Variants in NRBP1 observed in about 807,000 individuals in gnomAD.
The protein encoded by NRBP1 is nuclear receptor binding protein 1.
Under a neutral mutation model 76.0 loss-of-function variants are expected in NRBP1, and 10 were observed. The ratio of observed to expected loss-of-function variants is 0.13; its 90% CI spans 0.08 to 0.22. The LOEUF (loss-of-function observed/expected upper bound fraction) is 0.22. NRBP1 is among the 10% of genes least tolerant of loss of function. The pLI, the probability that NRBP1 is intolerant of heterozygous loss-of-function variation, is 1.00. For missense variants in NRBP1, 344 were observed against 646.0 expected (o/e 0.53, Z 5.07); for synonymous variants, 235 against 240.2 (o/e 0.98, Z 0.20).
rs1664602351 is a variant in NRBP1, at chr2:27,442,034, T to C, written c.*222T>C. On this transcript the variant is annotated 3_prime_UTR_variant, in exon 18 of 18. Transcript: ENST00000379852. ...TACTTGTTTTGCACAGACGTGGGCCTGGGCCTTCTCAGCAGCCGCCTTCTA... is the reference window on the plus strand; with the variant it reads ...TACTTGTTTTGCACAGACGTGGGCCCGGGCCTTCTCAGCAGCCGCCTTCTA... 1 of 545,972 alleles carries C rather than the reference T, an allele frequency of 1.8e-6. No homozygotes were observed. The highest frequency in any genetic ancestry group is 3.2e-6 in the Non-Finnish European group (1 of 311,776). 33.8% of individuals were successfully genotyped at this position (545,972 alleles called of 1,614,324 possible).
At chr2:27,441,533 G>T (rs548338942) in intron 16 of NRBP1, 34 bp from the exon 17 acceptor site, 1 of 1,612,286 alleles carries the variant, frequency 6.2e-7, no homozygotes, top group Non-Finnish European at 8.5e-7. Flanking sequence ...CCTCAGTCCC[G>T]TACTGTACTC....
intron 1 of NRBP1, 140 bp downstream of exon 1, chr2:27,428,871 T>C (rs1663980220): frequency 2.5e-6 from 1 of 396,824 alleles, no homozygotes; most frequent in African/African-American, 2.1e-5. Context: ...CCAGGCCCGA[T>C]CGGGCCCTGC....
chr2:27,430,463 TTTTTTC>T (rs1212468129), intron 1 of NRBP1, among the ~76,000 whole-genome samples: 2 of 114,222 alleles, frequency 1.8e-5, no homozygotes, highest in African/African-American at 7.8e-5. Flanking sequence ...TTTTCTTTCT[TTTTTTC>T]TTTTTTTTTT....
Position 27,437,039 on chromosome 2 carries a change from T to C in NRBP1, c.746-8T>C, listed in dbSNP as rs1664334372. On this transcript the variant is annotated splice_polypyrimidine_tract_variant and splice_region_variant and intron_variant, in intron 8 of 17. Coordinates refer to ENST00000379852, the MANE Select transcript of NRBP1 (RefSeq NM_013392.4). ...CTGATTAACCAAAGCCTTCTCTGTT[T>C]TCCCTAGAAGTCACTAATGTGACAA... 1 of 1,612,010 alleles carries C rather than the reference T, an allele frequency of 6.2e-7. No individual in the cohort carries two copies. The highest frequency in any genetic ancestry group is 8.5e-7 in the Non-Finnish European group (1 of 1,178,320).
intron 1 of NRBP1, among the ~76,000 whole-genome samples, chr2:27,430,385 G>C (rs979685115): frequency 6.6e-6 from 1 of 151,982 alleles, no homozygotes; most frequent in Non-Finnish European, 1.5e-5. Context: ...CAAAAGATTG[G>C]TGTGTTGACT....
At chr2:27,436,259 T>C (rs1664302066) in intron 7 of NRBP1, 1 of 206,492 alleles carries the variant, frequency 4.8e-6, no homozygotes, top group Non-Finnish European at 9.9e-6. Context: ...CTGAGCTGTA[T>C]GTTAATACTT....
In NRBP1 at chr2:27,428,960, C is replaced by A. The variant is rs555397019; in HGVS notation, c.-21+229C>A. 1.6e-4 allele frequency among the ~76,000 whole-genome samples: 24 copies of A among 151,436 alleles called. No homozygotes were observed. The South Asian group carries it at 4.6e-3, about 29-fold the overall frequency. ...GGCGTCTCTGGCTTGGCGGCGGCGC[C>A]CCGGGATTCTGCGGGCGCGGGTCGG... On this transcript the variant is annotated intron_variant, in intron 1 of 17. Coordinates refer to ENST00000379852, the MANE Select transcript of NRBP1 (RefSeq NM_013392.4).
intron 9 of NRBP1, 31 bp from the exon 10 acceptor site, chr2:27,437,231 C>T: frequency 6.3e-7 from 1 of 1,592,034 alleles, no homozygotes; most frequent in Non-Finnish European, 8.6e-7. Context: ...TCTTAGGTGT[C>T]TACTTTTTTT....
At chr2:27,436,680 TG>T (rs1429440042) in intron 7 of NRBP1, 72 bp from the exon 8 acceptor site, 1 of 1,368,468 alleles carries the variant, frequency 7.3e-7, no homozygotes, top group Non-Finnish European at 1.0e-6. Flanking sequence ...ATTTGGCTTT[TG>T]GGGCCTCTCT....
At chr2:27,434,793 T>C in intron 6 of NRBP1, 31 bp downstream of exon 6, 1 of 1,603,804 alleles carries the variant, frequency 6.2e-7, no homozygotes, top group East Asian at 2.2e-5. Flanking sequence ...TTCTTACCCA[T>C]ATTTCCTGAT....
chr2:27,436,606 A>C (rs1460729341), intron 7 of NRBP1, 147 bp from the exon 8 acceptor site: 2 of 660,298 alleles, frequency 3.0e-6, no homozygotes, highest in Non-Finnish European at 5.5e-6. Context: ...TCTGTAGTTC[A>C]GGACAGGAAA....
intron 7 of NRBP1, chr2:27,435,702 G>A (rs1664278457): frequency 1.4e-6 from 1 of 717,582 alleles, no homozygotes; most frequent in Non-Finnish European, 2.6e-6. Context: ...TCCCGCTTAC[G>A]GGCTGCTCTG....
intron 11 of NRBP1, 93 bp downstream of exon 11, chr2:27,439,991 GATTCTTTTTT>G: frequency 1.4e-5 from 5 of 356,798 alleles, no homozygotes; most frequent in Non-Finnish European, 1.8e-5. Context: ...TTTCCAAAGG[GATTCTTTTTT>G]TTTTTTTTTT....
chr2:27,437,486 T>C, intron 10 of NRBP1, 126 bp downstream of exon 10: 1 of 700,124 alleles, frequency 1.4e-6, no homozygotes, highest in South Asian at 1.8e-5. Context: ...ACACGAAAAA[T>C]CTATAAACAT....
At position 27,435,803 on chromosome 2, in the gene NRBP1, G is replaced by A. The variant is rs564248064; in HGVS notation, c.661+576G>A. ...TGTTTGTGCTCCCTCTGCTCCCTTGGCGGCTGCCCAGTGCATGCAGTCGTG... is the reference window on the plus strand; with the variant it reads ...TGTTTGTGCTCCCTCTGCTCCCTTGACGGCTGCCCAGTGCATGCAGTCGTG... On this transcript the variant is annotated intron_variant, in intron 7 of 17. Transcript: ENST00000379852. The A allele has an allele frequency of 5.0e-5, 36 of 717,448 alleles. 1 individual carries two copies. The South Asian group carries it at 5.0e-4, about 10-fold the overall frequency. The allele number at this position is 717,448 out of a possible 1,614,324, so 44.4% of individuals were successfully genotyped here.
rs191228559 is a variant in NRBP1 at position 27,428,676 on chromosome 2, G to A, written c.-76G>A. 170 of 398,162 alleles carry A rather than the reference G, an allele frequency of 4.3e-4. 1 individual carries two copies. Among genetic ancestry groups the A allele is most frequent in the African/African-American group, 1.9e-3 (93 of 48,724 alleles). 24.7% of individuals were successfully genotyped at this position (398,162 alleles called of 1,614,324 possible). On this transcript the variant is annotated 5_prime_UTR_variant, in exon 1 of 18. Transcript: ENST00000379852. ...CTGTGAGGGAGTCGCTGTGATCCGG[G>A]GCCCCGGAACCCGAGCTGGAGCTGA...
At chr2:27,433,961 G>C (rs1215271766) in intron 3 of NRBP1, 28 bp from the exon 4 acceptor site, 2 of 1,603,452 alleles carry the variant, frequency 1.2e-6, no homozygotes, top group Admixed American at 1.7e-5. Context: ...TTGTGACTCT[G>C]TTATTCCACT....
intron 5 of NRBP1, 30 bp from the exon 6 acceptor site, chr2:27,434,692 T>C: frequency 6.2e-7 from 1 of 1,613,978 alleles, no homozygotes; most frequent in Non-Finnish European, 8.5e-7. Flanking sequence ...AGGGAATTAC[T>C]GCTGACCCTT....
intron 17 of NRBP1, 27 bp from the exon 18 acceptor site, chr2:27,441,681 C>T (rs1490078063): frequency 6.2e-7 from 1 of 1,610,972 alleles, no homozygotes; most frequent in Admixed American, 1.7e-5. Flanking sequence ...CTCTCAGCCC[C>T]CATCTTACTG....
Sources: allele counts gnomAD v4.1 joint callset (sites outside exome capture counted in the v4.1 genomes callset), GRCh38; gene constraint gnomAD v4.1.1; transcripts MANE v1.5; gene names NCBI Gene and HGNC (gene_info 2026-07-23, HGNC 2026-07-21).